Variants in THSD7A observed in about 807,000 individuals in gnomAD.
The protein encoded by THSD7A is thrombospondin type-1 domain-containing protein 7A.
A neutral mutation model predicts 231.3 loss-of-function variants in THSD7A; 96 were observed. That is an observed-to-expected ratio of 0.41 (90% CI 0.35 to 0.49). The LOEUF is 0.49. THSD7A is among the 20% of genes least tolerant of loss of function. The pLI, the probability that THSD7A is intolerant of heterozygous loss-of-function variation, is 0.05. For synonymous variants in THSD7A, 940 were observed against 743.3 expected, an observed-to-expected ratio of 1.26 and a Z score of -4.30; for missense variants, 2,290 against 2,070.2, an observed-to-expected ratio of 1.11 and a Z score of -2.06.
intron 1 of THSD7A, among the ~76,000 whole-genome samples, chr7:11,801,016 T>C (rs895896706): frequency 6.6e-6 from 1 of 152,184 alleles, no homozygotes; most frequent in Admixed American, 6.5e-5. Flanking sequence ...AAGACATATG[T>C]ATTGGCCAGA....
At chr7:11,764,508 G>A (rs1253004039) in intron 1 of THSD7A, among the ~76,000 whole-genome samples, 1 of 150,654 alleles carries the variant, frequency 6.6e-6, no homozygotes, top group Non-Finnish European at 1.5e-5. Flanking sequence ...GTGAACCCAG[G>A]AGGCGGAGCC....
intron 2 of THSD7A, among the ~76,000 whole-genome samples, chr7:11,602,525 T>A (rs964878092): frequency 6.6e-6 from 1 of 152,062 alleles, no homozygotes; most frequent in East Asian, 1.9e-4. Flanking sequence ...CGTATTAGAA[T>A]TTGTCATGTT....
At chr7:11,726,948 C>G (rs1224964396) in intron 1 of THSD7A, among the ~76,000 whole-genome samples, 5 of 151,932 alleles carry the variant, frequency 3.3e-5, no homozygotes, top group Non-Finnish European at 5.9e-5. Context: ...GTTTGGCACA[C>G]AGCTCTAGGC....
intron 1 of THSD7A, among the ~76,000 whole-genome samples, chr7:11,823,747 T>G (rs1475087399): frequency 1.3e-5 from 2 of 152,088 alleles, no homozygotes; most frequent in Non-Finnish European, 1.5e-5. Context: ...GATTTCTTTC[T>G]CAGCTAGATC....
intron 6 of THSD7A, among the ~76,000 whole-genome samples, chr7:11,518,328 G>A (rs10486139): frequency 0.045 from 6,900 of 152,206 alleles, 190 homozygotes; most frequent in South Asian, 0.071. Context: ...ACTAGGAAGC[G>A]TGAGAGACTG....
chr7:11,560,980 GTTAT>G (rs1380403241), intron 4 of THSD7A, among the ~76,000 whole-genome samples: 1 of 152,150 alleles, frequency 6.6e-6, no homozygotes, highest in Non-Finnish European at 1.5e-5. Context: ...CAGATACTAA[GTTAT>G]TTAATTCTTA....
chr7:11,643,603 GCACACA>G (rs71027421), intron 1 of THSD7A, among the ~76,000 whole-genome samples: 2 of 149,600 alleles, frequency 1.3e-5, no homozygotes, highest in Non-Finnish European at 3.0e-5. Flanking sequence ...ACGCACGCGC[GCACACA>G]CACACACACA....
At chr7:11,670,606 C>G (rs1264284858) in intron 1 of THSD7A, among the ~76,000 whole-genome samples, 1 of 152,184 alleles carries the variant, frequency 6.6e-6, no homozygotes, top group African/African-American at 2.4e-5. Flanking sequence ...AACAAACAGA[C>G]TTTTACCAAA....
chr7:11,789,370 A>T (rs534469914), intron 1 of THSD7A, among the ~76,000 whole-genome samples: 1 of 152,068 alleles, frequency 6.6e-6, no homozygotes, highest in African/African-American at 2.4e-5. Context: ...GCGTGGCATG[A>T]TCATACTGAC....
intron 1 of THSD7A, among the ~76,000 whole-genome samples, chr7:11,663,225 A>G (rs781589005): frequency 8.6e-5 from 13 of 151,372 alleles, no homozygotes; most frequent in Non-Finnish European, 1.8e-4. Flanking sequence ...AAAAAATAAG[A>G]GGGTATTATG....
chr7:11,439,349 A>C (rs1392338230), intron 13 of THSD7A, among the ~76,000 whole-genome samples: 1 of 152,002 alleles, frequency 6.6e-6, no homozygotes, highest in Non-Finnish European at 1.5e-5. Flanking sequence ...TCTTGCATTG[A>C]GCAAATCTAT....
At chr7:11,742,972 C>T (rs189547300) in intron 1 of THSD7A, among the ~76,000 whole-genome samples, 46 of 151,958 alleles carry the variant, frequency 3.0e-4, no homozygotes, top group Admixed American at 2.8e-3. Context: ...TGTACCACTG[C>T]CATCAAGAGC....
At position 11,374,438 on chromosome 7, in the gene THSD7A, G is replaced by A. The variant is rs544350085; in HGVS notation, c.*1356C>T. 1.1e-4 allele frequency: 16 copies of A among 152,142 alleles called. No individual in the cohort carries two copies. In the South Asian group the frequency reaches 2.3e-3, roughly 22 times the overall value. 9.4% of individuals were successfully genotyped at this position (152,142 alleles called of 1,614,324 possible). A position where few individuals can be genotyped will look rare whatever the true frequency, so the allele number is the denominator to read the frequency against. On this transcript the variant is annotated 3_prime_UTR_variant, in exon 28 of 28. Transcript: ENST00000423059. ...AGAGATTGCTTCAAATTTTGCCAGT[G>A]AGAAAGGCAAAAGACTATGGATTTT...
intron 1 of THSD7A, among the ~76,000 whole-genome samples, chr7:11,808,070 C>T (rs1156720385): frequency 1.3e-5 from 2 of 152,104 alleles, no homozygotes; most frequent in Non-Finnish European, 2.9e-5. Context: ...TTTTTCCATA[C>T]ACAACTCTGT....
At chr7:11,452,034 T>C (rs1201869614) in intron 11 of THSD7A, among the ~76,000 whole-genome samples, 1 of 152,048 alleles carries the variant, frequency 6.6e-6, no homozygotes. Flanking sequence ...CAGTGAAAGC[T>C]GTTGGATTAT....
chr7:11,801,883 TCA>T (rs1784286978), intron 1 of THSD7A, among the ~76,000 whole-genome samples: 1 of 152,226 alleles, frequency 6.6e-6, no homozygotes, highest in African/African-American at 2.4e-5. Context: ...AGGCATATTC[TCA>T]CACTGCATAG....
At chr7:11,573,789 G>A (rs138802775) in intron 4 of THSD7A, among the ~76,000 whole-genome samples, 14 of 152,200 alleles carry the variant, frequency 9.2e-5, no homozygotes, top group East Asian at 7.7e-4. Flanking sequence ...GTCTGTAATC[G>A]TATTTATTGA....
intron 6 of THSD7A, among the ~76,000 whole-genome samples, chr7:11,499,599 G>A (rs2128309796): frequency 6.6e-6 from 1 of 152,268 alleles, no homozygotes; most frequent in African/African-American, 2.4e-5. Flanking sequence ...GGAGCTGAAG[G>A]ACAGCATAGC....
intron 6 of THSD7A, among the ~76,000 whole-genome samples, chr7:11,518,461 G>C (rs1788125577): frequency 2.0e-5 from 3 of 152,140 alleles, no homozygotes; most frequent in Admixed American, 2.0e-4. Flanking sequence ...TGAATGCTTT[G>C]GTAAGTGCCA....
Sources: allele counts gnomAD v4.1 joint callset (sites outside exome capture counted in the v4.1 genomes callset), GRCh38; gene constraint gnomAD v4.1.1; transcripts MANE v1.5; gene names NCBI Gene and HGNC (gene_info 2026-07-23, HGNC 2026-07-21).